The following EP400 variants were observed in gnomAD, a reference collection of about 807,000 sequenced individuals.
EP400 encodes E1A-binding protein p400.
EP400 carries 105 observed loss-of-function variants against 354.1 expected under a neutral mutation model. The ratio of observed to expected loss-of-function variants is 0.30; its 90% CI spans 0.25 to 0.35. The LOEUF is 0.35. Ranked by LOEUF, EP400 falls within the 10% of genes least tolerant of loss-of-function variation. The pLI is 1.00. For missense variants in EP400, 3,280 were observed against 4,121.0 expected, an observed-to-expected ratio of 0.80 and a Z score of 5.59; for synonymous variants, 1,646 against 1,716.9, an observed-to-expected ratio of 0.96 and a Z score of 1.02.
chr12:132,017,593 C>T lies in EP400; in HGVS notation c.3982C>T (p.Leu1328=). 6.2e-7 allele frequency: 1 copy of T among 1,613,890 alleles called. No individual in the cohort carries two copies. Among genetic ancestry groups the T allele is most frequent in the Non-Finnish European group, 8.5e-7 (1 of 1,179,866 alleles). ...FVNVLSILVR[L]QRICNHPGLV... is the part of the protein sequence containing the mutation. ...CAACGTCCTGAGCATCCTTGTGCGGCTGCAGCGCATCTGCAACCACCCTGG... is the reference window on the plus strand; with the variant it reads ...CAACGTCCTGAGCATCCTTGTGCGGTTGCAGCGCATCTGCAACCACCCTGG... Residue 1328 remains leucine, a synonymous_variant, in exon 20 of 53, where the codon CTG becomes TTG. Transcript: ENST00000389561. This position sits in a 1 kb window ranked among gnomAD's most constrained non-coding sequence, Gnocchi z 5.0.
At position 132,031,947 on chromosome 12, in the gene EP400, T is replaced by C; in HGVS notation, c.5755-6T>C. The C allele has an allele frequency of 6.2e-7, 1 of 1,601,114 alleles. No individual in the cohort carries two copies. The highest frequency in any genetic ancestry group is 8.5e-7 in the Non-Finnish European group (1 of 1,171,162). Reference sequence around the variant, plus strand: ...ATACTAACTCCTGTGTTTTGTTTCATCTTAGGAACTGATGAGGAGTTTCAA... The same window carrying C: ...ATACTAACTCCTGTGTTTTGTTTCACCTTAGGAACTGATGAGGAGTTTCAA... On this transcript the variant is annotated splice_polypyrimidine_tract_variant and splice_region_variant and intron_variant, in intron 29 of 52. Transcript: ENST00000389561.
intron 45 of EP400, 57 bp downstream of exon 45, chr12:132,055,265 G>C: frequency 3.7e-6 from 5 of 1,351,048 alleles, no homozygotes. Flanking sequence ...GAAATTATTT[G>C]CTTGTCTGTT....
At position 132,027,949 on chromosome 12, in the gene EP400, G is replaced by T; in HGVS notation, c.5110-68G>T. On this transcript the variant is annotated intron_variant, in intron 26 of 52. Coordinates refer to ENST00000389561, the MANE Select transcript of EP400 (RefSeq NM_015409.5). This position sits in a 1 kb window ranked among gnomAD's most constrained non-coding sequence, Gnocchi z 4.9. Reference sequence around the variant, plus strand: ...GTGGGAAATCACGGGCTGGGTGGGGGGTTGGTGAAGACAGGAACTTGTCAT... The same window carrying T: ...GTGGGAAATCACGGGCTGGGTGGGGTGTTGGTGAAGACAGGAACTTGTCAT... 6.5e-7 allele frequency: 1 copy of T among 1,541,700 alleles called. No individual in the cohort carries two copies. The highest frequency in any genetic ancestry group is 1.8e-5 in the Admixed American group (1 of 56,716).
intron 45 of EP400, among the ~76,000 whole-genome samples, chr12:132,056,260 C>T (rs1348921693): frequency 6.6e-6 from 1 of 152,116 alleles, no homozygotes. Flanking sequence ...AAAGTCAGTG[C>T]TTTGGCAAGT....
In EP400 at chr12:131,999,605, T is replaced by G. The variant is rs532085158; in HGVS notation, c.2827+4649T>G. On this transcript the variant is annotated intron_variant, in intron 12 of 52. Coordinates refer to ENST00000389561, the MANE Select transcript of EP400 (RefSeq NM_015409.5). ...AGGCACCAGCCACCATGCCTGGCTA[T>G]TTTTTATATTTTTAGTAGAGATAGG... Among the ~76,000 whole-genome samples the G allele has an allele frequency of 9.2e-5, 14 of 152,072 alleles. No homozygotes were observed. The East Asian group carries it at 2.7e-3, about 29-fold the overall frequency.
chr12:131,979,784 G>A lies in EP400; in HGVS notation c.1426G>A (p.Gly476Ser). The change falls in exon 3 of 53, where the codon GGT (glycine) becomes AGT (serine). Residue 476 changes from glycine (G) to serine (S), a missense_variant. Coordinates refer to ENST00000389561, the MANE Select transcript of EP400 (RefSeq NM_015409.5). ...FKRQQAMPST[G>S]MAEQSKRPRL... is the part of the protein sequence containing the mutation. ...GAGGCAGCAGGCGATGCCCTCCACA[G>A]GTATGGCAGGTACGTCGGCACGGCT... 6.2e-7 allele frequency: 1 copy of A among 1,607,008 alleles called. No individual in the cohort carries two copies. The highest frequency in any genetic ancestry group is 8.5e-7 in the Non-Finnish European group (1 of 1,176,884).
chr12:131,973,692 T>C (rs1275461602), intron 2 of EP400, among the ~76,000 whole-genome samples: 1 of 152,208 alleles, frequency 6.6e-6, no homozygotes, highest in Non-Finnish European at 1.5e-5. Context: ...TTGCAGCCAA[T>C]TGTAGGATTT....
Position 132,053,387 on chromosome 12 carries a change from G to GCCCCCCCCCCCCCCCCCC in EP400, c.7520_7521insCCCCCCCCCCCCCCCCCC (p.Pro2510_Gln2511insProProProProProPro). ...AGGCACAGCAGCCGGCCGTGGCCCA[G>GCCCCCCCCCCCCCCCCCC]CCACCCCCGCCCCAGCCGCAGCCCC... On this transcript the variant is annotated inframe_insertion, in exon 43 of 53. Transcript: ENST00000389561. 2 of 1,546,960 alleles carry GCCCCCCCCCCCCCCCCCC rather than the reference G, an allele frequency of 1.3e-6. No homozygotes were observed. Among genetic ancestry groups the GCCCCCCCCCCCCCCCCCC allele is most frequent in the Non-Finnish European group, 8.7e-7 (1 of 1,154,820 alleles).
chr12:132,029,684 T>A lies in EP400; in HGVS notation c.5382-17T>A. On this transcript the variant is annotated splice_polypyrimidine_tract_variant and intron_variant, in intron 27 of 52. Transcript: ENST00000389561. This position sits in a 1 kb window ranked among gnomAD's most constrained non-coding sequence, Gnocchi z 4.7. ...TGTGGCTCCTGGTGGTGACAAAACA[T>A]GCTTTCTGCTCCTCAGGGTGGCCTT... The A allele has an allele frequency of 6.2e-7, 1 of 1,607,968 alleles. No individual in the cohort carries two copies. Among genetic ancestry groups the A allele is most frequent in the Non-Finnish European group, 8.5e-7 (1 of 1,176,838 alleles).
At chr12:132,077,380 T>C in intron 52 of EP400, 21 bp from the exon 53 acceptor site, 2 of 1,600,810 alleles carry the variant, frequency 1.2e-6, no homozygotes. Context: ...CAATGTGTGT[T>C]TTCTGACTCT....
At chr12:131,981,695 G>GA in intron 4 of EP400, 99 bp downstream of exon 4, 1 of 1,048,526 alleles carries the variant, frequency 9.5e-7, no homozygotes, top group Non-Finnish European at 1.4e-6. Context: ...AGTGGAGGTA[G>GA]CGTGTTTGCA....
At chr12:131,972,375 G>A (rs1376662204) in intron 2 of EP400, among the ~76,000 whole-genome samples, 2 of 151,912 alleles carry the variant, frequency 1.3e-5, no homozygotes, top group African/African-American at 2.4e-5. Flanking sequence ...GGATGGTCTC[G>A]ATCTCCTGAC....
At position 132,017,436 on chromosome 12, in the gene EP400, T is replaced by TGCCTGCCTTTCTGGAAGGA; in HGVS notation, c.3924-84_3924-83insAGGAGCCTGCCTTTCTGGA. Reference sequence around the variant, plus strand: ...TAAGCGGACCTAGAAAATCTGCTCCTGCCTGCCTTTCTGGAGTTGGGACAG... The same window carrying TGCCTGCCTTTCTGGAAGGA: ...TAAGCGGACCTAGAAAATCTGCTCCTGCCTGCCTTTCTGGAAGGAGCCTGCCTTTCTGGAGTTGGGACAG... On this transcript the variant is annotated intron_variant, in intron 19 of 52. Coordinates refer to ENST00000389561, the MANE Select transcript of EP400 (RefSeq NM_015409.5). The surrounding 1 kb of genome is among the most constrained non-coding windows in gnomAD (Gnocchi z 5.0). 7.4e-7 allele frequency: 1 copy of TGCCTGCCTTTCTGGAAGGA among 1,346,614 alleles called. No individual in the cohort carries two copies. The highest frequency in any genetic ancestry group is 1.4e-5 in the South Asian group (1 of 73,592). The allele number at this position is 1,346,614 out of a possible 1,614,324, so 83.4% of individuals were successfully genotyped here.
chr12:131,957,529 T>C (rs1165259309), intron 1 of EP400, among the ~76,000 whole-genome samples: 3 of 151,432 alleles, frequency 2.0e-5, no homozygotes, highest in Non-Finnish European at 2.9e-5. Flanking sequence ...TTCTTTCTTT[T>C]TTTTTTTTTA....
chr12:132,017,567 T>C lies in EP400; in HGVS notation c.3956T>C (p.Val1319Ala). 1 of 1,614,044 alleles carries C rather than the reference T, an allele frequency of 6.2e-7. No individual in the cohort carries two copies. The change falls in exon 20 of 53, where the codon GTC (valine) becomes GCC (alanine). Residue 1319 changes from valine (V) to alanine (A), a missense_variant. This residue lies in a region of EP400 where 242 missense variants were observed against 357.9 expected (regional missense o/e 0.68). Transcript: ENST00000389561. This position sits in a 1 kb window ranked among gnomAD's most constrained non-coding sequence, Gnocchi z 5.0. ...GAGGCCTTGAAGAGCGGGCACTTTG[T>C]CAACGTCCTGAGCATCCTTGTGCGG... ...TQEALKSGHFVNVLSILVRLQ... is the reference protein window; with the variant it reads ...TQEALKSGHFANVLSILVRLQ...
In EP400 at chr12:131,960,591, G is replaced by A. The variant is rs1891845195; in HGVS notation, c.-29G>A. 2.6e-6 allele frequency: 4 copies of A among 1,555,924 alleles called. No individual in the cohort carries two copies. The highest frequency in any genetic ancestry group is 2.0e-5 in the Admixed American group (1 of 49,378). ...TTTTAATTTTAATTTTTAGGAGAAC[G>A]ACACATTGGATACAGAAGGGAGGTG... On this transcript the variant is annotated 5_prime_UTR_variant, in exon 2 of 53. Coordinates refer to ENST00000389561, the MANE Select transcript of EP400 (RefSeq NM_015409.5).
chr12:132,026,414 G>A (rs1411119767), intron 25 of EP400, among the ~76,000 whole-genome samples: 1 of 152,188 alleles, frequency 6.6e-6, no homozygotes, highest in African/African-American at 2.4e-5. Flanking sequence ...TTTGCATAGT[G>A]GGCAGTGATG....
intron 51 of EP400, among the ~76,000 whole-genome samples, chr12:132,072,481 A>C (rs1045502746): frequency 1.2e-4 from 19 of 152,108 alleles, no homozygotes; most frequent in Non-Finnish European, 2.1e-4. Flanking sequence ...GTTACTTTTT[A>C]TTATTGACTT....
chr12:132,073,459 C>CTTTTTTTTTTTTTTTTTTTTT (rs58724167), intron 51 of EP400, among the ~76,000 whole-genome samples: 1,528 of 117,322 alleles, frequency 0.013, 129 homozygotes, highest in African/African-American at 0.025. Context: ...GTCCCTTTTC[C>CTTTTTTTTTTTTTTTTTTTTT]TTTTTTTTTT....
Sources: allele counts gnomAD v4.1 joint callset (sites outside exome capture counted in the v4.1 genomes callset), GRCh38; gene constraint gnomAD v4.1.1; regional missense constraint gnomAD v4.1.1; non-coding constraint Gnocchi (gnomAD v3.1); transcripts MANE v1.5; gene names NCBI Gene and HGNC (gene_info 2026-07-23, HGNC 2026-07-21).